ADGRF5: variants seen among roughly 807,000 people sequenced by gnomAD.
ADGRF5 encodes the protein G-protein coupled receptor 116.
A neutral mutation model predicts 132.3 loss-of-function variants in ADGRF5; 75 were observed. The ratio of observed to expected loss-of-function variants is 0.57; its 90% CI spans 0.47 to 0.69. The LOEUF (loss-of-function observed/expected upper bound fraction) is 0.69, where lower values mean the gene tolerates loss of function less well. Ranked by LOEUF, ADGRF5 falls within the 30% of genes least tolerant of loss-of-function variation. ADGRF5 has a pLI of 0.00. For missense variants in ADGRF5, 1,516 were observed against 1,630.6 expected (o/e 0.93, Z 1.21); for synonymous variants, 629 against 597.6 (o/e 1.05, Z -0.77).
intron 3 of ADGRF5, 48 bp downstream of exon 3, chr6:46,899,981 C>A (rs562133736): frequency 7.4e-7 from 1 of 1,347,548 alleles, no homozygotes; most frequent in East Asian, 2.3e-5. Flanking sequence ...CAACACATAC[C>A]ATTTGAGTCA....
intron 1 of ADGRF5, among the ~76,000 whole-genome samples, chr6:46,945,837 G>A (rs779105088): frequency 3.0e-4 from 45 of 152,198 alleles, no homozygotes; most frequent in Non-Finnish European, 6.0e-4. Flanking sequence ...ATGGTGTAAG[G>A]TGAGAAGGAG....
intron 4 of ADGRF5, among the ~76,000 whole-genome samples, chr6:46,884,965 G>T (rs906838524): frequency 1.3e-5 from 2 of 152,180 alleles, no homozygotes; most frequent in African/African-American, 4.8e-5. Flanking sequence ...CACTTGGGAG[G>T]CCAAGGCAGT....
intron 1 of ADGRF5, among the ~76,000 whole-genome samples, chr6:46,954,509 A>ACTGG (rs1778649883): frequency 6.6e-6 from 1 of 152,068 alleles, no homozygotes; most frequent in South Asian, 2.1e-4. Context: ...TGATCTATAT[A>ACTGG]CTGGCTGGCA....
rs1772727836 is a variant in ADGRF5, at chr6:46,883,581, T to C, written c.590A>G (p.Tyr197Cys). The C allele has an allele frequency of 3.7e-6, 6 of 1,606,056 alleles. No homozygotes were observed. The highest frequency in any genetic ancestry group is 2.2e-5 in the East Asian group (1 of 44,850). The change falls in exon 6 of 21, where the codon TAC becomes TGC. Residue 197 changes from tyrosine to cysteine, a missense_variant. This residue lies in a region of ADGRF5 where 945 missense variants were observed against 929.4 expected (regional missense o/e 1.02). Transcript: ENST00000283296. ...MNTSSALYRS[Y>C]KTDLETAFRK... Reference sequence around the variant, plus strand: ...TACCGCTGTTTCCAAGTCGGTCTTGTAGGACCTATAGAGGGCGGAGGAAGT... The same window carrying C: ...TACCGCTGTTTCCAAGTCGGTCTTGCAGGACCTATAGAGGGCGGAGGAAGT...
chr6:46,870,334 T>C (rs1329487533), intron 11 of ADGRF5, among the ~76,000 whole-genome samples: 1 of 151,988 alleles, frequency 6.6e-6, no homozygotes, highest in Non-Finnish European at 1.5e-5. Context: ...ATTTTTATTT[T>C]TTATTGGTAG....
At chr6:46,856,359 ATTC>A in intron 19 of ADGRF5, among the ~76,000 whole-genome samples, 1 of 152,334 alleles carries the variant, frequency 6.6e-6, no homozygotes, top group South Asian at 2.1e-4. Context: ...ATCCATTATT[ATTC>A]TTCAACTTGT....
rs773576230 is a variant in ADGRF5, at chr6:46,878,314, T to C, written c.1128A>G (p.Glu376=). The stretch of plus-strand genomic sequence containing the variant: ...TGTTGTCGCACATCACCTTCATTTC[T>C]TCATTTGCCAAAATTTGGATGGGCA... ...DVMPIQILAN[E]EMKVMCDNNP... The change falls in exon 10 of 21, where the codon GAA becomes GAG. Residue 376 remains glutamate (E), a synonymous_variant. Transcript: ENST00000283296. The C allele has an allele frequency of 1.9e-6, 3 of 1,613,430 alleles. No homozygotes were observed. The highest frequency in any genetic ancestry group is 1.7e-6 in the Non-Finnish European group (2 of 1,179,370).
rs2150834062 is a variant in ADGRF5 at position 46,879,999 on chromosome 6, T to G, written c.855A>C (p.Glu285Asp). 1.9e-6 allele frequency: 3 copies of G among 1,614,106 alleles called. No individual in the cohort carries two copies. The South Asian group carries it at 3.3e-5, about 18-fold the overall frequency. The change falls in exon 9 of 21, where the codon GAA becomes GAC. Residue 285 changes from glutamate (E) to aspartate (D), a missense_variant. By Grantham distance (45) the Glu-to-Asp change is conservative. Transcript: ENST00000283296. ...NFFVTPEIIF[E>D]GDTVSLVCEK... ...CACACACCAGACTGACTGTGTCCCC[T>G]TCAAAGATGATTTCTGGTGTGACAA...
chr6:46,865,974 A>G (rs545015940), intron 13 of ADGRF5, among the ~76,000 whole-genome samples: 2 of 142,730 alleles, frequency 1.4e-5, no homozygotes, highest in South Asian at 4.8e-4. Flanking sequence ...ATGAGCTTGT[A>G]AATCCCTCAT....
chr6:46,882,838 G>C (rs549237506), intron 6 of ADGRF5, among the ~76,000 whole-genome samples: 13 of 152,330 alleles, frequency 8.5e-5, no homozygotes, highest in Admixed American at 6.5e-4. Context: ...CAATATTTGG[G>C]TTACATGCTG....
chr6:46,880,358 TA>T (rs5875988), intron 8 of ADGRF5, among the ~76,000 whole-genome samples: 7 of 150,574 alleles, frequency 4.6e-5, no homozygotes, highest in African/African-American at 1.2e-4. Context: ...CATTTTTTTA[TA>T]AAAAAAAAAC....
chr6:46,937,118 C>T (rs546234128), intron 1 of ADGRF5, among the ~76,000 whole-genome samples: 1 of 152,250 alleles, frequency 6.6e-6, no homozygotes, highest in Non-Finnish European at 1.5e-5. Context: ...TCTGCCAGGA[C>T]CTTGACTGAT....
rs569370604 is a variant in ADGRF5, at chr6:46,880,141, G to A, written c.815-102C>T. The A allele has an allele frequency of 2.2e-5, 17 of 784,226 alleles. No homozygotes were observed. In the East Asian group the frequency reaches 3.9e-4, roughly 18 times the overall value. The allele number at this position is 784,226 out of a possible 1,614,324, so 48.6% of individuals were successfully genotyped here. On this transcript the variant is annotated intron_variant, in intron 8 of 20. Transcript: ENST00000283296. ...CACAAGGCTCTTGGAGATCTTGACA[G>A]CATCTGTGGTGCTGAACTGGCTGAG...
At chr6:46,927,000 G>A (rs1420836481) in intron 1 of ADGRF5, among the ~76,000 whole-genome samples, 1 of 152,088 alleles carries the variant, frequency 6.6e-6, no homozygotes. Flanking sequence ...CAGTAACAGC[G>A]AGGCTGATCT....
At chr6:46,860,991 G>T in intron 15 of ADGRF5, 97 bp from the exon 16 acceptor site, 2 of 926,112 alleles carry the variant, frequency 2.2e-6, no homozygotes, top group South Asian at 1.7e-5. Flanking sequence ...CACATCCGTT[G>T]TTTCCTTTTT....
chr6:46,889,499 TAG>T (rs1421476760), intron 3 of ADGRF5, among the ~76,000 whole-genome samples: 1 of 144,132 alleles, frequency 6.9e-6, no homozygotes, highest in South Asian at 2.1e-4. Context: ...AGTTTATATA[TAG>T]AGAGAGACTA....
intron 20 of ADGRF5, 112 bp from the exon 21 acceptor site, chr6:46,854,183 G>A (rs1768775976): frequency 1.2e-5 from 8 of 686,422 alleles, no homozygotes; most frequent in Non-Finnish European, 1.7e-5. Context: ...AGGTAAGCTC[G>A]GCCATGCCTG....
rs997264279 is a variant in ADGRF5, at chr6:46,871,120, C to A, written c.1411+723G>T. Among the ~76,000 whole-genome samples the A allele has an allele frequency of 2.6e-5, 4 of 152,020 alleles. No individual in the cohort carries two copies. The South Asian group carries it at 6.2e-4, about 24-fold the overall frequency. On this transcript the variant is annotated intron_variant, in intron 11 of 20. Transcript: ENST00000283296. Reference sequence around the variant, plus strand: ...GTTAACAAGTGTTGCTTATATCAGTCGTTTCTCTAAACTTGTTCACAAAAG... The same window carrying A: ...GTTAACAAGTGTTGCTTATATCAGTAGTTTCTCTAAACTTGTTCACAAAAG...
intron 2 of ADGRF5, chr6:46,903,641 C>G (rs910379621): frequency 1.3e-5 from 2 of 151,544 alleles, no homozygotes; most frequent in African/African-American, 4.8e-5. Context: ...GCCACACATG[C>G]CTCTTTTTCT....
Sources: allele counts gnomAD v4.1 joint callset (sites outside exome capture counted in the v4.1 genomes callset), GRCh38; gene constraint gnomAD v4.1.1; regional missense constraint gnomAD v4.1.1; transcripts MANE v1.5; gene names NCBI Gene and HGNC (gene_info 2026-07-23, HGNC 2026-07-21).